SYT9: variants seen among roughly 807,000 people sequenced by gnomAD.
The protein encoded by SYT9 is synaptotagmin-9.
In SYT9, 22 loss-of-function variants were observed where a neutral mutation model predicts 48.4. That is an observed-to-expected ratio of 0.45 (90% CI 0.32 to 0.65). The LOEUF (loss-of-function observed/expected upper bound fraction) is 0.65. SYT9 is among the 30% of genes least tolerant of loss of function. The pLI is 0.03. For missense variants in SYT9, 577 were observed against 622.0 expected, an observed-to-expected ratio of 0.93 and a Z score of 0.77; for synonymous variants, 265 against 245.0, an observed-to-expected ratio of 1.08 and a Z score of -0.76.
intron 1 of SYT9, among the ~76,000 whole-genome samples, chr11:7,262,510 G>A (rs192524294): frequency 2.0e-4 from 30 of 152,158 alleles, no homozygotes; most frequent in African/African-American, 6.0e-4. Context: ...ACTGTCCAAC[G>A]GTAAGAGGCT....
rs780782516 is a variant in SYT9, at chr11:7,389,291, TGAG to T, written c.1045-26747_1045-26745del. 2.4e-4 allele frequency among the ~76,000 whole-genome samples: 36 copies of T among 152,128 alleles called. 1 individual carries two copies. Among genetic ancestry groups the T allele is most frequent in the Non-Finnish European group, 3.5e-4 (24 of 68,024 alleles). On this transcript the variant is annotated intron_variant, in intron 3 of 6. Coordinates refer to ENST00000318881, the MANE Select transcript of SYT9 (RefSeq NM_175733.4). ...TGACACAATGGTACTAAAAAAATAT[TGAG>T]GAGACTGGGGTATCAAAAGTGTATT...
At chr11:7,415,331 G>A (rs985382431) in intron 3 of SYT9, among the ~76,000 whole-genome samples, 7 of 152,162 alleles carry the variant, frequency 4.6e-5, no homozygotes, top group Admixed American at 2.6e-4. Flanking sequence ...GGAGCTATGC[G>A]ATAGACTGTA....
At chr11:7,466,474 C>T (rs4076075) in intron 6 of SYT9, among the ~76,000 whole-genome samples, 51,435 of 151,938 alleles carry the variant, frequency 0.34, 9,104 homozygotes, top group Admixed American at 0.42. Flanking sequence ...TGTAATCCCA[C>T]CACTTTGGGA....
Position 7,369,794 on chromosome 11 carries a change from A to AACACACACAC in SYT9, c.1045-46228_1045-46219dup, listed in dbSNP as rs58554896. 7.9e-3 allele frequency among the ~76,000 whole-genome samples: 1,133 copies of AACACACACAC among 143,938 alleles called. 4 individuals carry two copies. The highest frequency in any genetic ancestry group is 0.011 in the East Asian group (56 of 4,934). 94.4% of individuals were successfully genotyped at this position (143,938 alleles called of 152,430 possible). ...CATACACACCACACACACACACACAAACACACACACACACACACACACACA... is the reference window on the plus strand; with the variant it reads ...CATACACACCACACACACACACACAAACACACACACACACACACACACACACACACACACA... On this transcript the variant is annotated intron_variant, in intron 3 of 6. Coordinates refer to ENST00000318881, the MANE Select transcript of SYT9 (RefSeq NM_175733.4).
intron 1 of SYT9, among the ~76,000 whole-genome samples, chr11:7,282,992 G>A (rs1214013719): frequency 6.7e-6 from 1 of 149,746 alleles, no homozygotes; most frequent in African/African-American, 2.5e-5. Flanking sequence ...GAGAGAGAAA[G>A]CTTTAATTTA....
chr11:7,272,184 TA>T (rs1345620460), intron 1 of SYT9, among the ~76,000 whole-genome samples: 5 of 152,142 alleles, frequency 3.3e-5, no homozygotes, highest in Non-Finnish European at 7.4e-5. Context: ...ATAATGCTTA[TA>T]GGGGAACTGA....
intron 3 of SYT9, among the ~76,000 whole-genome samples, chr11:7,334,493 A>G (rs1849599380): frequency 6.6e-6 from 1 of 152,330 alleles, no homozygotes; most frequent in East Asian, 1.9e-4. Flanking sequence ...AATTAACTGC[A>G]TATGTTTAAA....
chr11:7,263,897 A>G (rs2119817265), intron 1 of SYT9, among the ~76,000 whole-genome samples: 1 of 152,230 alleles, frequency 6.6e-6, no homozygotes, highest in Admixed American at 6.5e-5. Flanking sequence ...AGGAGAGGAG[A>G]AACTGATTCA....
intron 1 of SYT9, among the ~76,000 whole-genome samples, chr11:7,254,480 C>T (rs1438521661): frequency 6.6e-6 from 1 of 152,152 alleles, no homozygotes; most frequent in Non-Finnish European, 1.5e-5. Flanking sequence ...ATGCATTTGT[C>T]TTCATCCCTC....
intron 3 of SYT9, among the ~76,000 whole-genome samples, chr11:7,331,313 A>G (rs559593710): frequency 1.7e-4 from 26 of 150,644 alleles, no homozygotes; most frequent in African/African-American, 6.4e-4. Flanking sequence ...ATCAAGGATC[A>G]GGAAATGAGA....
intron 5 of SYT9, 81 bp from the exon 6 acceptor site, chr11:7,420,425 T>C (rs1847330127): frequency 1.3e-6 from 2 of 1,528,176 alleles, no homozygotes; most frequent in Admixed American, 1.9e-5. Flanking sequence ...CATCCCCAAT[T>C]CCTTCATCAG....
At chr11:7,257,261 C>T (rs1293961563) in intron 1 of SYT9, among the ~76,000 whole-genome samples, 1 of 152,176 alleles carries the variant, frequency 6.6e-6, no homozygotes, top group Non-Finnish European at 1.5e-5. Flanking sequence ...TTACCCTGTA[C>T]AGCTAGTGCC....
chr11:7,250,451 A>ACCCCCCCC (rs59724555), upstream of SYT9, among the ~76,000 whole-genome samples: 2 of 91,782 alleles, frequency 2.2e-5, no homozygotes, highest in African/African-American at 3.8e-5. Flanking sequence ...CCCCCCCGCC[A>ACCCCCCCC]CCCCCCCCCA....
intron 6 of SYT9, among the ~76,000 whole-genome samples, chr11:7,453,698 C>A (rs897343028): frequency 6.6e-6 from 1 of 152,196 alleles, no homozygotes; most frequent in African/African-American, 2.4e-5. Flanking sequence ...TGACCAGAAG[C>A]AGACAGCCAA....
intron 6 of SYT9, among the ~76,000 whole-genome samples, chr11:7,426,014 A>G (rs1377327026): frequency 6.6e-6 from 1 of 152,244 alleles, no homozygotes; most frequent in Non-Finnish European, 1.5e-5. Flanking sequence ...GATACATACC[A>G]TCTTGGTAAG....
Position 7,355,937 on chromosome 11 carries a change from G to C in SYT9, c.1044+41996G>C, listed in dbSNP as rs140012935. ...GATTGTCTTGTGTCTACCACAGTGA[G>C]CCTGGCCCAGGGCCTTGCACAAAGT... On this transcript the variant is annotated intron_variant, in intron 3 of 6. Coordinates refer to ENST00000318881, the MANE Select transcript of SYT9 (RefSeq NM_175733.4). Among the ~76,000 whole-genome samples, 40 of 152,326 alleles carry C rather than the reference G, an allele frequency of 2.6e-4. 3 individuals are homozygous for C. In the East Asian group the frequency reaches 2.9e-3, roughly 11 times the overall value.
intron 6 of SYT9, among the ~76,000 whole-genome samples, chr11:7,424,474 C>T (rs917545486): frequency 6.6e-6 from 1 of 152,128 alleles, no homozygotes; most frequent in Admixed American, 6.5e-5. Context: ...TTTCCTGCCT[C>T]CTGTATGTCA....
intron 3 of SYT9, among the ~76,000 whole-genome samples, chr11:7,394,087 A>C (rs1390602781): frequency 1.3e-5 from 2 of 151,650 alleles, no homozygotes; most frequent in Non-Finnish European, 2.9e-5. Flanking sequence ...CATTAGGTAT[A>C]TCTCCTAATG....
chr11:7,276,078 C>A (rs182682030), intron 1 of SYT9, among the ~76,000 whole-genome samples: 1 of 152,138 alleles, frequency 6.6e-6, no homozygotes, highest in African/African-American at 2.4e-5. Flanking sequence ...CATCCCCCAC[C>A]CCCAGACTGA....
Sources: allele counts gnomAD v4.1 joint callset (sites outside exome capture counted in the v4.1 genomes callset), GRCh38; gene constraint gnomAD v4.1.1; transcripts MANE v1.5; gene names NCBI Gene and HGNC (gene_info 2026-07-23, HGNC 2026-07-21).